METTL15: variants seen among roughly 807,000 people sequenced by gnomAD.
The protein encoded by METTL15 is 12S rRNA N(4)-cytidine methyltransferase METTL15.
In METTL15, 34 loss-of-function variants were observed where a neutral mutation model predicts 38.3. That is an observed-to-expected ratio of 0.89 (90% confidence interval 0.68 to 1.18). The LOEUF (loss-of-function observed/expected upper bound fraction) is 1.18. Among genes scored for constraint, METTL15 ranks in the 50% most tolerant of loss-of-function variants. The pLI is 0.00. For synonymous variants in METTL15, 162 were observed against 170.9 expected (o/e 0.95, Z 0.41); for missense variants, 438 against 498.4 (o/e 0.88, Z 1.15).
intron 3 of METTL15, among the ~76,000 whole-genome samples, chr11:28,143,207 G>A (rs959481219): frequency 3.3e-5 from 5 of 152,008 alleles, no homozygotes; most frequent in Non-Finnish European, 5.9e-5. Context: ...CAGAGGTAAT[G>A]TCTGAGCATG....
intron 4 of METTL15, among the ~76,000 whole-genome samples, chr11:28,229,245 G>T (rs1853595160): frequency 6.6e-6 from 1 of 151,636 alleles, no homozygotes; most frequent in Non-Finnish European, 1.5e-5. Flanking sequence ...AACTTTCATT[G>T]GCATACACCA....
chr11:28,119,959 A>T (rs1852143514), intron 3 of METTL15, among the ~76,000 whole-genome samples: 1 of 152,036 alleles, frequency 6.6e-6, no homozygotes, highest in Admixed American at 6.6e-5. Context: ...ATATCTTTTT[A>T]AATTTTTTTT....
At chr11:28,232,810 C>G (rs1207923441) in intron 4 of METTL15, among the ~76,000 whole-genome samples, 10 of 151,916 alleles carry the variant, frequency 6.6e-5, no homozygotes, top group African/African-American at 2.4e-4. Context: ...TTATCTTTTT[C>G]TCCTGGAATC....
At chr11:28,285,418 G>C (rs1235528023) in intron 4 of METTL15, among the ~76,000 whole-genome samples, 1 of 149,858 alleles carries the variant, frequency 6.7e-6, no homozygotes, top group Admixed American at 6.6e-5. Flanking sequence ...TTGTATATGT[G>C]ACCCAAGACA....
intron 5 of METTL15, among the ~76,000 whole-genome samples, chr11:28,403,024 G>A (rs889918194): frequency 6.6e-6 from 1 of 151,960 alleles, no homozygotes; most frequent in Non-Finnish European, 1.5e-5. Context: ...GTTTCTGCCT[G>A]GAACATTCTT....
chr11:28,174,828 A>T lies in METTL15; in HGVS notation c.271-36234A>T, dbSNP rs1291793097. On this transcript the variant is annotated intron_variant, in intron 3 of 6. Coordinates refer to ENST00000407364, the MANE Select transcript of METTL15 (RefSeq NM_001113528.2). ...AGATTCTGTCTCAAAAAAAAAAAAA[A>T]AACATAAAAAAGCAAAAAAAGCAAA... Among the ~76,000 whole-genome samples, 640 of 147,002 alleles carry T rather than the reference A, an allele frequency of 4.4e-3. 7 individuals are homozygous for T. Among genetic ancestry groups the T allele is most frequent in the Admixed American group, 8.0e-3 (116 of 14,418 alleles).
At chr11:28,403,644 A>G (rs1850649610) in intron 5 of METTL15, among the ~76,000 whole-genome samples, 1 of 152,004 alleles carries the variant, frequency 6.6e-6, no homozygotes, top group Non-Finnish European at 1.5e-5. Flanking sequence ...TCTTATCCAT[A>G]AAAAACCACA....
chr11:28,389,172 TTTA>T (rs1850474366), intron 5 of METTL15, among the ~76,000 whole-genome samples: 1 of 151,868 alleles, frequency 6.6e-6, no homozygotes, highest in South Asian at 2.1e-4. Flanking sequence ...AGCAGCATGA[TTTA>T]TAATCCTTTG....
intron 6 of METTL15, among the ~76,000 whole-genome samples, chr11:28,307,651 G>GT (rs1195109649): frequency 6.6e-6 from 1 of 151,850 alleles, no homozygotes; most frequent in Non-Finnish European, 1.5e-5. Context: ...TGTAATTTCA[G>GT]TTTTCTCATT....
chr11:28,248,976 A>G (rs945781290), intron 4 of METTL15, among the ~76,000 whole-genome samples: 3 of 151,740 alleles, frequency 2.0e-5, no homozygotes, highest in African/African-American at 4.8e-5. Context: ...TCTCTCTTTT[A>G]CTTTCTTCAT....
At chr11:28,387,438 A>G (rs746757235) in intron 5 of METTL15, among the ~76,000 whole-genome samples, 2 of 151,946 alleles carry the variant, frequency 1.3e-5, no homozygotes, top group African/African-American at 4.8e-5. Context: ...AAACTGGATA[A>G]CCTAGAAGAA....
At chr11:28,163,398 C>T (rs1208369259) in intron 3 of METTL15, 6 of 398,080 alleles carry the variant, frequency 1.5e-5, no homozygotes, top group African/African-American at 6.2e-5. Flanking sequence ...GAACTTCATT[C>T]TACAGCAGCC....
At chr11:28,451,612 T>C (rs1851121484) in intron 6 of METTL15, among the ~76,000 whole-genome samples, 1 of 151,596 alleles carries the variant, frequency 6.6e-6, no homozygotes, top group Non-Finnish European at 1.5e-5. Flanking sequence ...AAAAAGGAAA[T>C]GCAGTGTGTA....
Position 28,433,976 on chromosome 11 carries a change from A to G in METTL15, c.*424+9612A>G, listed in dbSNP as rs535568701. Among the ~76,000 whole-genome samples the G allele has an allele frequency of 2.0e-3, 305 of 152,286 alleles. 1 individual carries two copies. The highest frequency in any genetic ancestry group is 5.9e-3 in the African/African-American group (247 of 41,564). On this transcript the variant is annotated intron_variant and NMD_transcript_variant, in intron 6 of 7. Coordinates refer to the METTL15 transcript ENST00000532947. ...TAAGTGAAGGATGGTCTCCTTGGGC[A>G]TCGTTCTGCATTTAAGAGGCTGAAC...
chr11:28,263,546 T>C (rs1855293433), intron 4 of METTL15, among the ~76,000 whole-genome samples: 1 of 152,082 alleles, frequency 6.6e-6, no homozygotes, highest in Non-Finnish European at 1.5e-5. Context: ...TGAAACATTA[T>C]TATATAATTA....
intron 3 of METTL15, among the ~76,000 whole-genome samples, chr11:28,195,309 TA>T (rs2133810392): frequency 6.6e-6 from 1 of 152,284 alleles, no homozygotes; most frequent in African/African-American, 2.4e-5. Flanking sequence ...CCATAAGGGT[TA>T]TACTAATTTA....
intron 4 of METTL15, among the ~76,000 whole-genome samples, chr11:28,286,952 TTCTCCACACTATATATATATGTAC>T (rs1240835029): frequency 2.0e-5 from 3 of 151,382 alleles, no homozygotes; most frequent in Admixed American, 6.6e-5. Context: ...TATACATGTA[TTCTCCACACTATATATATATGTAC>T]TCTCCACACT....
intron 4 of METTL15, among the ~76,000 whole-genome samples, chr11:28,240,744 C>G (rs1854257837): frequency 6.6e-6 from 1 of 151,972 alleles, no homozygotes; most frequent in Admixed American, 6.6e-5. Flanking sequence ...TCGGTCTTAA[C>G]CAATTTCTTA....
chr11:28,113,698 T>C (rs1851822680), intron 3 of METTL15, 94 bp downstream of exon 3: 1 of 1,352,948 alleles, frequency 7.4e-7, no homozygotes, highest in East Asian at 2.4e-5. Context: ...TTCAGTGGCC[T>C]TTAGTATACA....
Sources: allele counts gnomAD v4.1 joint callset (sites outside exome capture counted in the v4.1 genomes callset), GRCh38; gene constraint gnomAD v4.1.1; transcripts MANE v1.5; gene names NCBI Gene and HGNC (gene_info 2026-07-23, HGNC 2026-07-21).